MYO18B: variants seen among roughly 807,000 people sequenced by gnomAD.
The protein encoded by MYO18B is myosin XVIIIB.
MYO18B carries 204 observed loss-of-function variants against 273.0 expected under a neutral mutation model. That is an observed-to-expected ratio of 0.75 (90% CI 0.67 to 0.84). The LOEUF is 0.84. MYO18B is among the 40% of genes least tolerant of loss of function. The pLI is 0.00. For missense variants in MYO18B, 3,212 were observed against 3,287.6 expected (o/e 0.98, Z 0.56); for synonymous variants, 1,330 against 1,305.7 (o/e 1.02, Z -0.40).
intron 23 of MYO18B, among the ~76,000 whole-genome samples, 186 bp from the exon 24 acceptor site, chr22:25,876,003 C>CGTGTGTTTGTGT (rs2091180973): frequency 7.1e-6 from 1 of 139,922 alleles, no homozygotes; most frequent in Non-Finnish European, 1.6e-5. Context: ...AAAGGAAGCC[C>CGTGTGTTTGTGT]GTGTGTGTGT....
At chr22:25,876,548 T>G (rs1220771044) in intron 24 of MYO18B, among the ~76,000 whole-genome samples, 1 of 152,178 alleles carries the variant, frequency 6.6e-6, no homozygotes, top group East Asian at 1.9e-4. Context: ...TGTGGGTGTT[T>G]AGAGATGCTA....
chr22:25,978,131 G>A (rs1353377294), intron 39 of MYO18B, among the ~76,000 whole-genome samples: 1 of 152,192 alleles, frequency 6.6e-6, no homozygotes, highest in Non-Finnish European at 1.5e-5. Flanking sequence ...CAATATAGTA[G>A]GGAATTAGAC....
intron 19 of MYO18B, among the ~76,000 whole-genome samples, chr22:25,846,814 G>C (rs915820981): frequency 2.0e-5 from 3 of 152,222 alleles, no homozygotes; most frequent in Non-Finnish European, 4.4e-5. Context: ...GGGCGCAGAG[G>C]CTCACGCCTG....
intron 34 of MYO18B, among the ~76,000 whole-genome samples, chr22:25,935,957 T>C (rs1399100147): frequency 5.3e-5 from 8 of 152,210 alleles, no homozygotes; most frequent in Non-Finnish European, 1.2e-4. Flanking sequence ...GGTTCACTGA[T>C]GCTGCTGAGC....
At chr22:25,829,819 CAA>C (rs1346767407) in intron 15 of MYO18B, among the ~76,000 whole-genome samples, 1 of 151,382 alleles carries the variant, frequency 6.6e-6, no homozygotes, top group Non-Finnish European at 1.5e-5. Context: ...GCCTGGGTGA[CAA>C]AGAGAGACTC....
At chr22:25,823,715 C>A (rs2089376635) in intron 13 of MYO18B, 37 bp downstream of exon 13, 1 of 1,606,346 alleles carries the variant, frequency 6.2e-7, no homozygotes, top group African/African-American at 1.3e-5. Flanking sequence ...AGCTGGGCCC[C>A]CCTCTGGGCC....
intron 39 of MYO18B, among the ~76,000 whole-genome samples, chr22:25,972,130 C>CAT (rs1022665623): frequency 1.4e-4 from 21 of 150,474 alleles, no homozygotes; most frequent in African/African-American, 2.9e-4. Flanking sequence ...AAAATACATA[C>CAT]ATATATATAT....
At chr22:25,742,661 A>G (rs931817267) in intron 1 of MYO18B, among the ~76,000 whole-genome samples, 6 of 152,222 alleles carry the variant, frequency 3.9e-5, no homozygotes, top group African/African-American at 1.4e-4. Flanking sequence ...ATTTTTCCTC[A>G]ACTACCAGTA....
At chr22:26,041,826 G>A in the MYO18B span, among the ~76,000 whole-genome samples, 1 of 152,170 alleles carries the variant, frequency 6.6e-6, no homozygotes, top group Admixed American at 6.5e-5. Flanking sequence ...TTGGAATGGA[G>A]AAATGAGGGC....
chr22:25,853,557 C>T (rs1310513144), intron 21 of MYO18B, among the ~76,000 whole-genome samples: 1 of 152,178 alleles, frequency 6.6e-6, no homozygotes, highest in African/African-American at 2.4e-5. Context: ...GTTCCTTATT[C>T]TTGGTCTCTG....
intron 39 of MYO18B, among the ~76,000 whole-genome samples, chr22:25,968,387 GA>G (rs1569247312): frequency 6.6e-6 from 1 of 152,182 alleles, no homozygotes; most frequent in Non-Finnish European, 1.5e-5. Context: ...AGAAGGAGGA[GA>G]AATGGTTTCC....
In MYO18B at chr22:25,932,231, G is replaced by T. The variant is rs898695882; in HGVS notation, c.5517+10822G>T. 2.0e-4 allele frequency among the ~76,000 whole-genome samples: 30 copies of T among 151,922 alleles called. 1 individual carries two copies. Among genetic ancestry groups the T allele is most frequent in the Admixed American group, 1.9e-3 (29 of 15,256 alleles). ...CAACTTTTAATATTTTTCCACATTT[G>T]CGATCTGGTTCTCTCTATAAATTTT... On this transcript the variant is annotated intron_variant, in intron 34 of 43. Coordinates refer to ENST00000335473, the MANE Select transcript of MYO18B (RefSeq NM_032608.7).
intron 34 of MYO18B, among the ~76,000 whole-genome samples, chr22:25,929,289 C>G (rs2092465485): frequency 6.6e-6 from 1 of 152,062 alleles, no homozygotes; most frequent in Non-Finnish European, 1.5e-5. Flanking sequence ...TATAAGACCT[C>G]TTGGAACAGG....
At chr22:25,964,302 G>A (rs1197068370) in intron 39 of MYO18B, 2 of 152,102 alleles carry the variant, frequency 1.3e-5, no homozygotes, top group Admixed American at 6.5e-5. Flanking sequence ...CTCACCGTTG[G>A]AGGTAATTGT....
intron 12 of MYO18B, among the ~76,000 whole-genome samples, chr22:25,814,644 A>C (rs2088923910): frequency 6.6e-6 from 1 of 151,918 alleles, no homozygotes; most frequent in South Asian, 2.1e-4. Flanking sequence ...CCTTTTTGGA[A>C]GGGAGATAGT....
rs555453129 is a variant in MYO18B, at chr22:25,770,731, C to T, written c.1580-141C>T. 1.9e-3 allele frequency: 1,225 copies of T among 634,384 alleles called. 4 individuals carry two copies. The highest frequency in any genetic ancestry group is 2.9e-3 in the Non-Finnish European group (1,028 of 356,504). 39.3% of individuals were successfully genotyped at this position (634,384 alleles called of 1,614,324 possible). A position where few individuals can be genotyped will look rare whatever the true frequency, so the allele number is the denominator to read the frequency against. ...AACTCAGCTCCAAGTGAATAGACCCCAAATGGAGACCTGTCCCAAGCCTTC... is the reference window on the plus strand; with the variant it reads ...AACTCAGCTCCAAGTGAATAGACCCTAAATGGAGACCTGTCCCAAGCCTTC... On this transcript the variant is annotated intron_variant, in intron 5 of 43. Transcript: ENST00000335473.
At chr22:25,921,150 T>A (rs2092334451) in intron 33 of MYO18B, 107 bp from the exon 34 acceptor site, 1 of 1,141,952 alleles carries the variant, frequency 8.8e-7, no homozygotes, top group African/African-American at 1.6e-5. Flanking sequence ...GGTCACACGG[T>A]GTGAGTGGCA....
At chr22:25,799,674 C>G (rs947779516) in intron 12 of MYO18B, among the ~76,000 whole-genome samples, 1 of 152,174 alleles carries the variant, frequency 6.6e-6, no homozygotes, top group Non-Finnish European at 1.5e-5. Context: ...CCGTCATCCC[C>G]ACATTCCCGG....
At chr22:25,771,764 G>T (rs2086728545) in intron 6 of MYO18B, among the ~76,000 whole-genome samples, 1 of 152,224 alleles carries the variant, frequency 6.6e-6, no homozygotes. Context: ...ACTGAAGCTG[G>T]AGAGAATAAT....
Sources: gnomAD v4.1 joint callset for allele counts (sites outside exome capture counted in the v4.1 genomes callset) on GRCh38, gnomAD v4.1.1 for gene constraint, MANE v1.5 for transcripts, NCBI Gene and HGNC (gene_info 2026-07-23, HGNC 2026-07-21) for gene names.